ANK2: variants seen among roughly 807,000 people sequenced by gnomAD.
ANK2 encodes the protein ankyrin-2.
Under a neutral mutation model 360.5 loss-of-function variants are expected in ANK2, and 83 were observed. That is an observed-to-expected ratio of 0.23 (90% CI 0.19 to 0.28). The LOEUF (loss-of-function observed/expected upper bound fraction) is 0.28, where lower values mean the gene tolerates loss of function less well. Among genes scored for constraint, ANK2 ranks in the 10% least tolerant of loss-of-function variants. The probability of loss-of-function intolerance (pLI) is 1.00; values close to 1 mark genes in which losing one functional copy is unlikely to be tolerated. For synonymous variants in ANK2, 1,740 were observed against 1,759.5 expected (o/e 0.99, Z 0.28); for missense variants, 4,201 against 4,795.7 (o/e 0.88, Z 3.66).
In ANK2 at chr4:113,121,303, G is replaced by T. The variant is rs6833649; in HGVS notation, c.85-53113G>T. Among the ~76,000 whole-genome samples, 8 of 151,962 alleles carry T rather than the reference G, an allele frequency of 5.3e-5. No individual in the cohort carries two copies. In the South Asian group the frequency reaches 1.0e-3, roughly 20 times the overall value. ...GAATCCAGGTCTGTCTGGCTCTAAA[G>T]TTCATTGGAGAAAAAAAGTAATATT... is the stretch of plus-strand genomic sequence containing the variant. On this transcript the variant is annotated intron_variant, in intron 1 of 45. Coordinates refer to ENST00000357077, the MANE Select transcript of ANK2 (RefSeq NM_001148.6).
At chr4:112,714,544 C>A in the ANK2 span, among the ~76,000 whole-genome samples, 656 of 152,296 alleles carry the variant, frequency 4.3e-3, 2 homozygotes, top group African/African-American at 0.014. Flanking sequence ...GACAAGCACT[C>A]ATTTCTAGAA....
At chr4:113,160,671 G>A (rs1412719200) in intron 1 of ANK2, among the ~76,000 whole-genome samples, 1 of 152,150 alleles carries the variant, frequency 6.6e-6, no homozygotes, top group African/African-American at 2.4e-5. Flanking sequence ...GCTGGACAGT[G>A]GAAATAAAAA....
intron 4 of ANK2, among the ~76,000 whole-genome samples, chr4:113,201,064 G>T (rs1026026240): frequency 6.6e-6 from 1 of 151,836 alleles, no homozygotes; most frequent in South Asian, 2.1e-4. Context: ...TGAAGGTGTC[G>T]TTTTGACGTA....
intron 23 of ANK2, among the ~76,000 whole-genome samples, chr4:113,309,597 T>C (rs1015024666): frequency 5.3e-5 from 8 of 152,234 alleles, no homozygotes; most frequent in African/African-American, 1.9e-4. Context: ...TGGCTCACTG[T>C]AGCCTCGACT....
At chr4:112,996,710 C>T (rs2048652693) in intron 2 of ANK2, among the ~76,000 whole-genome samples, 1 of 152,110 alleles carries the variant, frequency 6.6e-6, no homozygotes, top group South Asian at 2.1e-4. Context: ...GTATCCATCC[C>T]TTTAAGCATT....
At chr4:113,276,688 C>T (rs916168066) in intron 15 of ANK2, among the ~76,000 whole-genome samples, 4 of 152,206 alleles carry the variant, frequency 2.6e-5, no homozygotes, top group Non-Finnish European at 4.4e-5. Flanking sequence ...AAGATTCGCT[C>T]TCTTCCAAGG....
intron 31 of ANK2, among the ~76,000 whole-genome samples, chr4:113,338,494 A>G (rs1460840585): frequency 2.0e-5 from 3 of 150,298 alleles, no homozygotes; most frequent in Admixed American, 1.3e-4. Context: ...TTTGAAAACA[A>G]TTTCATAAAA....
At chr4:112,789,466 AC>A in the ANK2 span, among the ~76,000 whole-genome samples, 1 of 147,668 alleles carries the variant, frequency 6.8e-6, no homozygotes, top group Non-Finnish European at 1.5e-5. Context: ...ATGATTTGAG[AC>A]CAAGGAGGTA....
chr4:113,269,775 T>C (rs1266204646), intron 14 of ANK2, among the ~76,000 whole-genome samples: 2 of 152,188 alleles, frequency 1.3e-5, no homozygotes, highest in African/African-American at 4.8e-5. Flanking sequence ...AATATGAGGG[T>C]TGGACTCAGA....
rs1167630240 is a variant in ANK2, at chr4:113,251,475, C to CTTTT, written c.990+1635_990+1638dup. 1.6e-3 allele frequency among the ~76,000 whole-genome samples: 143 copies of CTTTT among 88,132 alleles called. 1 individual carries two copies. Among genetic ancestry groups the CTTTT allele is most frequent in the Non-Finnish European group, 1.9e-3 (91 of 47,724 alleles). 57.8% of individuals were successfully genotyped at this position (88,132 alleles called of 152,430 possible). On this transcript the variant is annotated intron_variant, in intron 10 of 45. Coordinates refer to ENST00000357077, the MANE Select transcript of ANK2 (RefSeq NM_001148.6). ...ACCATCAAGATGAATAATACAAAAT[C>CTTTT]TTTTTTTTTTTTTTTTTTTTTTTTT...
chr4:112,726,701 A>T, the ANK2 span, among the ~76,000 whole-genome samples: 1 of 152,034 alleles, frequency 6.6e-6, no homozygotes, highest in Non-Finnish European at 1.5e-5. Context: ...AATACAAAAA[A>T]TTAGCCGGGT....
intron 14 of ANK2, among the ~76,000 whole-genome samples, chr4:113,270,724 G>A (rs193144792): frequency 9.2e-5 from 14 of 152,204 alleles, no homozygotes; most frequent in African/African-American, 2.9e-4. Context: ...AATTACCTGG[G>A]CACCCTGCTA....
intron 26 of ANK2, 32 bp downstream of exon 26, chr4:113,318,652 A>C: frequency 6.5e-7 from 1 of 1,538,768 alleles, no homozygotes; most frequent in Non-Finnish European, 8.9e-7. Context: ...ATCCTGATCA[A>C]GAGGTAAAAA....
intron 1 of ANK2, among the ~76,000 whole-genome samples, chr4:112,879,834 A>G (rs1308280794): frequency 6.6e-6 from 1 of 152,172 alleles, no homozygotes; most frequent in African/African-American, 2.4e-5. Context: ...CCCAGTGTCT[A>G]TGTGATCTGG....
chr4:113,087,147 A>G (rs1471806664), intron 1 of ANK2, among the ~76,000 whole-genome samples: 2 of 152,252 alleles, frequency 1.3e-5, no homozygotes, highest in Non-Finnish European at 2.9e-5. Context: ...AACTAACTGC[A>G]TCAGTGAGAT....
the ANK2 span, among the ~76,000 whole-genome samples, chr4:112,770,734 A>G: frequency 1.3e-5 from 2 of 151,742 alleles, no homozygotes; most frequent in East Asian, 1.9e-4. Flanking sequence ...AAAGTGCATT[A>G]TAATCATCTG....
At chr4:112,818,477 TTTTCTGA>T (rs2056001485) in intron 1 of ANK2, among the ~76,000 whole-genome samples, 1 of 152,208 alleles carries the variant, frequency 6.6e-6, no homozygotes, top group African/African-American at 2.4e-5. Flanking sequence ...TGTGATGTGT[TTTTCTGA>T]TTTGCATTTT....
intron 4 of ANK2, among the ~76,000 whole-genome samples, chr4:113,209,991 G>A (rs1421126813): frequency 2.0e-5 from 3 of 152,144 alleles, no homozygotes; most frequent in Non-Finnish European, 2.9e-5. Context: ...TCTATTTGGT[G>A]GGGGTCTGGG....
intron 2 of ANK2, among the ~76,000 whole-genome samples, chr4:112,993,695 A>C (rs1460649734): frequency 7.8e-6 from 1 of 128,320 alleles, no homozygotes; most frequent in Non-Finnish European, 1.6e-5. Flanking sequence ...TAAAGCTTAC[A>C]TTCTATTGGC....
Sources: gnomAD v4.1 joint callset for allele counts (sites outside exome capture counted in the v4.1 genomes callset) on GRCh38, gnomAD v4.1.1 for gene constraint, MANE v1.5 for transcripts, NCBI Gene and HGNC (gene_info 2026-07-23, HGNC 2026-07-21) for gene names.